The following OGDH variants were observed in gnomAD, a reference collection of about 807,000 sequenced individuals.
OGDH encodes the protein oxoglutarate dehydrogenase.
Under a neutral mutation model 116.6 loss-of-function variants are expected in OGDH, and 38 were observed. The ratio of observed to expected loss-of-function variants is 0.33; its 90% CI spans 0.25 to 0.43. The LOEUF (loss-of-function observed/expected upper bound fraction) is 0.43, where lower values mean the gene tolerates loss of function less well. Ranked by LOEUF, OGDH falls within the 20% of genes least tolerant of loss-of-function variation. OGDH has a pLI of 1.00. For synonymous variants in OGDH, 488 were observed against 533.3 expected (o/e 0.92, Z 1.17); for missense variants, 825 against 1,357.2 (o/e 0.61, Z 6.16).
rs1788611588 is a variant in OGDH at position 44,697,051 on chromosome 7, C to T, written c.2038C>T (p.Arg680Trp). Reference protein sequence around the residue: ...HIRLSGQDVERGTFSHRHHVL... With the variant: ...HIRLSGQDVEWGTFSHRHHVL... ...TCGGCTGAGCGGCCAGGACGTGGAG[C>T]GGGGCACATTCAGGTAACGTTCTGG... Residue 680 changes from arginine (R) to tryptophan (W), a missense_variant, in exon 15 of 23, where the codon CGG becomes TGG. By Grantham distance (101) the Arg-to-Trp change is moderately radical. Around this residue, in one of 7 missense-constraint regions of OGDH, gnomAD observed 73 missense variants for 182.3 expected, o/e 0.40. Transcript: ENST00000222673. The surrounding 1 kb of genome is among the most constrained non-coding windows in gnomAD (Gnocchi z 6.0). The T allele has an allele frequency of 6.2e-7, 1 of 1,613,698 alleles. No individual in the cohort carries two copies. Among genetic ancestry groups the T allele is most frequent in the Non-Finnish European group, 8.5e-7 (1 of 1,179,756 alleles).
chr7:44,626,938 C>CT (rs1785230135), intron 2 of OGDH, among the ~76,000 whole-genome samples: 1 of 152,138 alleles, frequency 6.6e-6, no homozygotes, highest in African/African-American at 2.4e-5. Flanking sequence ...GGTGGGTCCT[C>CT]TTTAAGTTGA....
At chr7:44,669,448 G>A (rs954448303) in intron 5 of OGDH, among the ~76,000 whole-genome samples, 3 of 152,050 alleles carry the variant, frequency 2.0e-5, no homozygotes, top group African/African-American at 7.2e-5. Flanking sequence ...CACTGCTCCT[G>A]GCCCCAGCAG....
intron 9 of OGDH, among the ~76,000 whole-genome samples, chr7:44,680,553 C>CAG (rs1258810553): frequency 6.6e-6 from 1 of 150,970 alleles, no homozygotes; most frequent in Non-Finnish European, 1.5e-5. Context: ...CACACACACA[C>CAG]ACACACACAC....
At chr7:44,619,612 T>C (rs1024420999) in intron 1 of OGDH, among the ~76,000 whole-genome samples, 3 of 152,242 alleles carry the variant, frequency 2.0e-5, no homozygotes, top group Admixed American at 6.5e-5. Context: ...TCTATAGATA[T>C]AACACGTTTT....
At chr7:44,607,400 T>A (rs1256170818) in intron 1 of OGDH, among the ~76,000 whole-genome samples, 1 of 152,202 alleles carries the variant, frequency 6.6e-6, no homozygotes. Context: ...CTGACCTGGG[T>A]GCGTCCCACC....
At chr7:44,695,392 G>T (rs1788536317) in intron 12 of OGDH, among the ~76,000 whole-genome samples, 1 of 152,144 alleles carries the variant, frequency 6.6e-6, no homozygotes, top group South Asian at 2.1e-4. Flanking sequence ...CACTGCGCCT[G>T]GCCTGGACCA....
At chr7:44,620,211 G>A (rs568177712) in intron 1 of OGDH, among the ~76,000 whole-genome samples, 1 of 152,288 alleles carries the variant, frequency 6.6e-6, no homozygotes, top group Admixed American at 6.5e-5. Flanking sequence ...AGTAGAAACG[G>A]CGTTTCGCCA....
chr7:44,620,209 C>T (rs1486745479), intron 1 of OGDH, among the ~76,000 whole-genome samples: 3 of 152,166 alleles, frequency 2.0e-5, no homozygotes, highest in Admixed American at 6.5e-5. Flanking sequence ...TTAGTAGAAA[C>T]GGCGTTTCGC....
At position 44,630,998 on chromosome 7, in the gene OGDH, G is replaced by A. The variant is rs1342177876; in HGVS notation, c.222+6433G>A. Reference sequence around the variant, plus strand: ...TGATGTGACAGGAGGTGGAGCTCAGGTGGTAATGCTCGCTTGCCGCTCACT... The same window carrying A: ...TGATGTGACAGGAGGTGGAGCTCAGATGGTAATGCTCGCTTGCCGCTCACT... On this transcript the variant is annotated intron_variant, in intron 2 of 22. Coordinates refer to ENST00000222673, the MANE Select transcript of OGDH (RefSeq NM_002541.4). 2.6e-5 allele frequency among the ~76,000 whole-genome samples: 4 copies of A among 152,274 alleles called. No homozygotes were observed. The East Asian group carries it at 7.7e-4, about 29-fold the overall frequency.
intron 12 of OGDH, 91 bp from the exon 13 acceptor site, chr7:44,695,933 GT>G (rs1788562546): frequency 1.4e-6 from 1 of 719,646 alleles, no homozygotes; most frequent in South Asian, 1.6e-5. Context: ...TTGGGCTTGC[GT>G]GGTGGCTGTC....
chr7:44,695,432 C>G (rs910020361), intron 12 of OGDH, among the ~76,000 whole-genome samples: 17 of 152,098 alleles, frequency 1.1e-4, no homozygotes, highest in African/African-American at 3.4e-4. Context: ...GTGGGCTGGG[C>G]GTGGTGGCTC....
chr7:44,665,458 A>G (rs1787146500), intron 4 of OGDH, among the ~76,000 whole-genome samples: 1 of 152,218 alleles, frequency 6.6e-6, no homozygotes, highest in Non-Finnish European at 1.5e-5. Context: ...TGCTTGAATC[A>G]GAATCACCTT....
chr7:44,632,076 G>A (rs534924177), intron 2 of OGDH, among the ~76,000 whole-genome samples: 1 of 152,236 alleles, frequency 6.6e-6, no homozygotes, highest in South Asian at 2.1e-4. Flanking sequence ...AGTAAATGGA[G>A]AGGTTCCAAG....
intron 1 of OGDH, among the ~76,000 whole-genome samples, chr7:44,615,137 A>G (rs888542269): frequency 6.6e-6 from 1 of 152,146 alleles, no homozygotes; most frequent in East Asian, 1.9e-4. Context: ...GGACAAGATT[A>G]TCCTGGCCCT....
intron 20 of OGDH, among the ~76,000 whole-genome samples, chr7:44,705,280 C>T (rs1280937648): frequency 6.7e-6 from 1 of 148,168 alleles, no homozygotes. Context: ...TCTCGATCTC[C>T]TGACCTCGTG....
chr7:44,699,268 A>C (rs1788720340), intron 18 of OGDH, among the ~76,000 whole-genome samples: 1 of 152,062 alleles, frequency 6.6e-6, no homozygotes, highest in Non-Finnish European at 1.5e-5. Context: ...TCTACTAAAA[A>C]TACAAAAATT....
Position 44,707,322 on chromosome 7 carries a change from T to C in OGDH, c.2730T>C (p.Tyr910=), listed in dbSNP as rs191042299. ...RLLFCTGKVY[Y]DLTRERKARD... ...TCTTCTGCACCGGCAAAGTGTATTA[T>C]GACCTCACCCGGGAGCGCAAAGCAC... The change falls in exon 21 of 23, where the codon TAT becomes TAC. Residue 910 remains tyrosine, a synonymous_variant. Coordinates refer to ENST00000222673, the MANE Select transcript of OGDH (RefSeq NM_002541.4). This position sits in a 1 kb window ranked among gnomAD's most constrained non-coding sequence, Gnocchi z 5.2. 4 of 1,614,266 alleles carry C rather than the reference T, an allele frequency of 2.5e-6. No individual in the cohort carries two copies. In the African/African-American group the frequency reaches 5.3e-5, roughly 22 times the overall value.
At chr7:44,672,079 A>T (rs9969123) in intron 5 of OGDH, among the ~76,000 whole-genome samples, 19,932 of 151,836 alleles carry the variant, frequency 0.13, 2,796 homozygotes, top group East Asian at 0.34. Flanking sequence ...AAAAATAAAT[A>T]AATTAATTAA....
chr7:44,699,287 G>A lies in OGDH; in HGVS notation c.2431-854G>A, dbSNP rs576881871. Among the ~76,000 whole-genome samples the A allele has an allele frequency of 2.4e-4, 37 of 151,500 alleles. 1 individual carries two copies. Among genetic ancestry groups the A allele is most frequent in the Non-Finnish European group, 3.8e-4 (26 of 67,888 alleles). ...CTAAAAATACAAAAATTATTCAGGC[G>A]TGGTGGCGGGCACCTGTAGTCCCAA... On this transcript the variant is annotated intron_variant, in intron 18 of 22. Transcript: ENST00000222673.
Sources: allele counts gnomAD v4.1 joint callset (sites outside exome capture counted in the v4.1 genomes callset), GRCh38; gene constraint gnomAD v4.1.1; regional missense constraint gnomAD v4.1.1; non-coding constraint Gnocchi (gnomAD v3.1); transcripts MANE v1.5; gene names NCBI Gene and HGNC (gene_info 2026-07-23, HGNC 2026-07-21).